RAPGEF5: variants seen among roughly 807,000 people sequenced by gnomAD.
RAPGEF5 encodes Rap guanine nucleotide exchange factor 5, also known as M-Ras-regulated GEF.
A neutral mutation model predicts 125.2 loss-of-function variants in RAPGEF5; 65 were observed. That is an observed-to-expected ratio of 0.52 (90% CI 0.43 to 0.64). RAPGEF5 has a LOEUF of 0.64. Among genes scored for constraint, RAPGEF5 ranks in the 30% least tolerant of loss-of-function variants. The probability of loss-of-function intolerance (pLI) is 0.00; values close to 1 mark genes in which losing one functional copy is unlikely to be tolerated. For missense variants in RAPGEF5, 958 were observed against 1,048.1 expected, an observed-to-expected ratio of 0.91 and a Z score of 1.19; for synonymous variants, 391 against 385.9, an observed-to-expected ratio of 1.01 and a Z score of -0.16.
chr7:22,183,992 T>G (rs1241490061), intron 11 of RAPGEF5, among the ~76,000 whole-genome samples: 1 of 152,194 alleles, frequency 6.6e-6, no homozygotes, highest in East Asian at 1.9e-4. Flanking sequence ...GAAATTAATT[T>G]CCTAGAACCC....
At chr7:22,149,040 T>G (rs1414884275) in intron 18 of RAPGEF5, among the ~76,000 whole-genome samples, 1 of 152,170 alleles carries the variant, frequency 6.6e-6, no homozygotes, top group East Asian at 1.9e-4. Context: ...GAAAGAAATG[T>G]GCAGGGGCTT....
At chr7:22,205,880 G>A (rs1401278055) in intron 9 of RAPGEF5, among the ~76,000 whole-genome samples, 1 of 152,200 alleles carries the variant, frequency 6.6e-6, no homozygotes, top group East Asian at 1.9e-4. Flanking sequence ...CATCTGTCCT[G>A]TATCAACACC....
intron 7 of RAPGEF5, among the ~76,000 whole-genome samples, chr7:22,261,939 A>G (rs1327175052): frequency 3.9e-5 from 6 of 152,220 alleles, no homozygotes; most frequent in Admixed American, 3.9e-4. Context: ...TGTAAAACAT[A>G]AAACTAAAAC....
intron 14 of RAPGEF5, 131 bp downstream of exon 14, chr7:22,160,382 TAGAAA>T: frequency 1.3e-6 from 1 of 750,538 alleles, no homozygotes; most frequent in South Asian, 2.0e-5. Flanking sequence ...AATTTACTAC[TAGAAA>T]AGCTAAGGCA....
In RAPGEF5 at chr7:22,173,653, T is replaced by C. The variant is rs1245053238; in HGVS notation, c.1205-6505A>G. Among the ~76,000 whole-genome samples, 6 of 152,344 alleles carry C rather than the reference T, an allele frequency of 3.9e-5. No individual in the cohort carries two copies. In the East Asian group the frequency reaches 1.2e-3, roughly 29 times the overall value. On this transcript the variant is annotated intron_variant, in intron 11 of 25. Coordinates refer to ENST00000665637, the MANE Select transcript of RAPGEF5 (RefSeq NM_012294.5). ...CTGTCATTCCGTCTTCAAGAAAGAATGATTTGAATACAACAGGTATTCCGT... is the reference window on the plus strand; with the variant it reads ...CTGTCATTCCGTCTTCAAGAAAGAACGATTTGAATACAACAGGTATTCCGT...
At chr7:22,337,590 C>A (rs74213066) in intron 1 of RAPGEF5, among the ~76,000 whole-genome samples, 14,368 of 152,226 alleles carry the variant, frequency 0.094, 712 homozygotes, top group South Asian at 0.16. Flanking sequence ...TTTAAACTAT[C>A]AACTAAATTT....
intron 12 of RAPGEF5, among the ~76,000 whole-genome samples, chr7:22,164,230 C>T (rs1784092647): frequency 6.6e-6 from 1 of 152,088 alleles, no homozygotes; most frequent in Non-Finnish European, 1.5e-5. Context: ...AGTTGGGATG[C>T]AGAGACAGGA....
In RAPGEF5 at chr7:22,193,898, T is replaced by C. The variant is rs568908072; in HGVS notation, c.1115+17A>G. On this transcript the variant is annotated intron_variant, in intron 10 of 25. Transcript: ENST00000665637. Reference sequence around the variant, plus strand: ...AAACGGGAGCGCGTGCCTCTGTGGCTGCAGGGAAACTCTCACCTCCAATGG... The same window carrying C: ...AAACGGGAGCGCGTGCCTCTGTGGCCGCAGGGAAACTCTCACCTCCAATGG... The C allele has an allele frequency of 2.5e-5, 41 of 1,613,110 alleles. No homozygotes were observed. In the South Asian group the frequency reaches 4.1e-4, roughly 16 times the overall value.
intron 9 of RAPGEF5, among the ~76,000 whole-genome samples, chr7:22,205,012 C>G (rs1483949115): frequency 6.6e-6 from 1 of 151,382 alleles, no homozygotes; most frequent in Non-Finnish European, 1.5e-5. Context: ...ACTGGGGGAA[C>G]AAAAAAGGAA....
At chr7:22,287,037 G>A (rs1562509159) in intron 6 of RAPGEF5, among the ~76,000 whole-genome samples, 2 of 152,206 alleles carry the variant, frequency 1.3e-5, no homozygotes, top group Non-Finnish European at 2.9e-5. Flanking sequence ...AAGTTAGAAT[G>A]CGGAAAGTCA....
intron 2 of RAPGEF5, among the ~76,000 whole-genome samples, chr7:22,316,598 C>T (rs1158406013): frequency 1.3e-5 from 2 of 149,764 alleles, no homozygotes; most frequent in East Asian, 4.0e-4. Context: ...TCAGTCGATC[C>T]TCCCACCTCA....
intron 5 of RAPGEF5, 44 bp downstream of exon 5, chr7:22,308,295 G>C (rs1783390836): frequency 2.0e-6 from 3 of 1,519,022 alleles, no homozygotes; most frequent in African/African-American, 2.8e-5. Flanking sequence ...GGTAAATGTT[G>C]TCTAAGTGTA....
intron 7 of RAPGEF5, among the ~76,000 whole-genome samples, chr7:22,266,668 T>C (rs1433455662): frequency 2.0e-5 from 3 of 152,184 alleles, no homozygotes; most frequent in Admixed American, 2.0e-4. Context: ...GTCATGTACC[T>C]AGATCCTTAT....
At chr7:22,237,476 A>AG (rs1249254799) in intron 7 of RAPGEF5, among the ~76,000 whole-genome samples, 2 of 151,240 alleles carry the variant, frequency 1.3e-5, no homozygotes, top group African/African-American at 4.9e-5. Flanking sequence ...GCTTCTCAAA[A>AG]AAAAAAAAAA....
intron 7 of RAPGEF5, among the ~76,000 whole-genome samples, chr7:22,233,561 C>T (rs995031195): frequency 6.6e-6 from 1 of 152,094 alleles, no homozygotes; most frequent in Non-Finnish European, 1.5e-5. Flanking sequence ...GAGGCAGGGT[C>T]TCCCTCTGTC....
intron 8 of RAPGEF5, among the ~76,000 whole-genome samples, chr7:22,225,325 TC>T (rs1179082866): frequency 6.6e-6 from 1 of 152,224 alleles, no homozygotes; most frequent in Non-Finnish European, 1.5e-5. Flanking sequence ...TTTCTTTAAT[TC>T]TCCATCTTAT....
chr7:22,266,062 A>G (rs1305194650), intron 7 of RAPGEF5, among the ~76,000 whole-genome samples: 2 of 152,202 alleles, frequency 1.3e-5, no homozygotes, highest in Non-Finnish European at 2.9e-5. Context: ...TTTGGTTCAA[A>G]TAGTAACTGA....
intron 7 of RAPGEF5, among the ~76,000 whole-genome samples, chr7:22,237,396 C>G (rs560097077): frequency 6.7e-6 from 1 of 149,054 alleles, no homozygotes; most frequent in African/African-American, 2.5e-5. Context: ...AGAAATTGAC[C>G]CTTCTGGTCT....
At chr7:22,254,505 G>A (rs2128138976) in intron 7 of RAPGEF5, among the ~76,000 whole-genome samples, 1 of 151,532 alleles carries the variant, frequency 6.6e-6, no homozygotes, top group South Asian at 2.1e-4. Context: ...TTACTTGGGA[G>A]GCTGAGGCAG....
Sources: gnomAD v4.1 joint callset for allele counts (sites outside exome capture counted in the v4.1 genomes callset) on GRCh38, gnomAD v4.1.1 for gene constraint, MANE v1.5 for transcripts, NCBI Gene and HGNC (gene_info 2026-07-23, HGNC 2026-07-21) for gene names.